Variants in DIAPH3 observed in about 807,000 individuals in gnomAD.
DIAPH3 encodes diaphanous related formin 3, also known as protein diaphanous homolog 3.
A neutral mutation model predicts 144.3 loss-of-function variants in DIAPH3; 117 were observed. That is an observed-to-expected ratio of 0.81 (90% CI 0.70 to 0.95). DIAPH3 has a LOEUF of 0.95. Ranked by LOEUF, DIAPH3 falls within the 40% of genes least tolerant of loss-of-function variation. The pLI, the probability that DIAPH3 is intolerant of heterozygous loss-of-function variation, is 0.00. For missense variants in DIAPH3, 1,421 were observed against 1,412.7 expected, an observed-to-expected ratio of 1.01 and a Z score of -0.09; for synonymous variants, 519 against 488.9, an observed-to-expected ratio of 1.06 and a Z score of -0.81.
chr13:59,988,469 C>T (rs1181400962), intron 12 of DIAPH3, among the ~76,000 whole-genome samples: 1 of 151,850 alleles, frequency 6.6e-6, no homozygotes, highest in Non-Finnish European at 1.5e-5. Flanking sequence ...AGTTTTTCCT[C>T]AACTCCACAA....
intron 4 of DIAPH3, among the ~76,000 whole-genome samples, chr13:60,078,515 C>G (rs1175257204): frequency 6.6e-6 from 1 of 151,882 alleles, no homozygotes; most frequent in Non-Finnish European, 1.5e-5. Flanking sequence ...TTCAGTTATA[C>G]AGGAAAGAAT....
chr13:60,146,941 C>T (rs997570219), intron 1 of DIAPH3, among the ~76,000 whole-genome samples: 3 of 152,160 alleles, frequency 2.0e-5, no homozygotes, highest in African/African-American at 7.2e-5. Context: ...TCTCACATGC[C>T]TGTTTCTGTC....
chr13:59,885,783 T>C (rs2045406267), intron 20 of DIAPH3, among the ~76,000 whole-genome samples: 1 of 152,106 alleles, frequency 6.6e-6, no homozygotes. Context: ...GAGTGATACA[T>C]CTACCCAGAA....
intron 25 of DIAPH3, among the ~76,000 whole-genome samples, chr13:59,779,481 G>GT (rs1593831170): frequency 6.6e-6 from 1 of 151,400 alleles, no homozygotes; most frequent in African/African-American, 2.4e-5. Context: ...TTCAAGCACT[G>GT]TTTTAGATAT....
At chr13:60,100,671 A>G (rs936700846) in intron 3 of DIAPH3, among the ~76,000 whole-genome samples, 2 of 152,164 alleles carry the variant, frequency 1.3e-5, no homozygotes, top group South Asian at 4.1e-4. Flanking sequence ...ATAAGTCTAA[A>G]ATTATTTCAA....
rs910859866 is a variant in DIAPH3 at position 59,891,080 on chromosome 13, T to C, written c.2368-11612A>G. Among the ~76,000 whole-genome samples the C allele has an allele frequency of 2.6e-5, 4 of 152,102 alleles. No individual in the cohort carries two copies. The East Asian group carries it at 5.8e-4, about 22-fold the overall frequency. On this transcript the variant is annotated intron_variant, in intron 20 of 27. Transcript: ENST00000400324. ...CCAGCCTCCTCTTTTCCATTATGTT[T>C]CCAAAATAGTCTTACAAGAGTATAG...
intron 18 of DIAPH3, among the ~76,000 whole-genome samples, chr13:59,921,253 G>T (rs1217786983): frequency 7.3e-6 from 1 of 136,230 alleles, no homozygotes; most frequent in Non-Finnish European, 1.6e-5. Flanking sequence ...AGAAATAAAT[G>T]AAATGGAGAC....
At chr13:60,111,872 G>T in intron 3 of DIAPH3, 138 bp downstream of exon 3, 1 of 802,714 alleles carries the variant, frequency 1.2e-6, no homozygotes, top group Non-Finnish European at 2.0e-6. Flanking sequence ...AAAACTCTTT[G>T]TGGCTGAAGT....
At chr13:60,040,142 G>A (rs1037682962) in intron 5 of DIAPH3, among the ~76,000 whole-genome samples, 4 of 140,458 alleles carry the variant, frequency 2.8e-5, no homozygotes, top group African/African-American at 8.0e-5. Context: ...CAGGAGAATC[G>A]CTTGAACTCG....
chr13:59,839,475 GA>G (rs1275660914), intron 22 of DIAPH3, 27 bp from the exon 23 acceptor site: 4 of 1,607,314 alleles, frequency 2.5e-6, no homozygotes, highest in Non-Finnish European at 3.4e-6. Flanking sequence ...TAAATGCCCG[GA>G]AAGGACAAAA....
Position 59,774,252 on chromosome 13 carries a change from T to C in DIAPH3, c.3260-4A>G. 1 of 1,610,112 alleles carries C rather than the reference T, an allele frequency of 6.2e-7. No individual in the cohort carries two copies. Among genetic ancestry groups the C allele is most frequent in the Non-Finnish European group, 8.5e-7 (1 of 1,177,904 alleles). ...GGACTGAGACTCTGCCGAACATCTGTTAAAAAAAAAAATAAAATAAACTTA... is the reference window on the plus strand; with the variant it reads ...GGACTGAGACTCTGCCGAACATCTGCTAAAAAAAAAAATAAAATAAACTTA... On this transcript the variant is annotated splice_polypyrimidine_tract_variant and splice_region_variant and intron_variant, in intron 26 of 27. Coordinates refer to ENST00000400324, the MANE Select transcript of DIAPH3 (RefSeq NM_001042517.2).
chr13:59,874,957 T>G (rs1323523570), intron 21 of DIAPH3, among the ~76,000 whole-genome samples: 1 of 152,180 alleles, frequency 6.6e-6, no homozygotes, highest in Non-Finnish European at 1.5e-5. Flanking sequence ...ATTAGTAACA[T>G]CTTCTTAAAT....
intron 27 of DIAPH3, among the ~76,000 whole-genome samples, chr13:59,749,209 CAAAAAAAA>C (rs71197276): frequency 8.0e-5 from 2 of 25,108 alleles, no homozygotes; most frequent in Admixed American, 1.2e-3. Flanking sequence ...GACTCTGTCT[CAAAAAAAA>C]AAAAAAAAAA....
intron 27 of DIAPH3, among the ~76,000 whole-genome samples, chr13:59,761,508 G>A (rs2037587878): frequency 6.6e-6 from 1 of 152,042 alleles, no homozygotes; most frequent in Non-Finnish European, 1.5e-5. Flanking sequence ...CATTAAGAAT[G>A]ACAAGGGAAG....
intron 2 of DIAPH3, among the ~76,000 whole-genome samples, chr13:60,128,777 C>CTT (rs57966867): frequency 2.1e-5 from 3 of 140,782 alleles, no homozygotes; most frequent in Non-Finnish European, 1.6e-5. Flanking sequence ...ATTCAATTAC[C>CTT]TTTTTTTTTT....
At chr13:59,968,503 G>A (rs998127302) in intron 17 of DIAPH3, among the ~76,000 whole-genome samples, 1 of 152,088 alleles carries the variant, frequency 6.6e-6, no homozygotes, top group Non-Finnish European at 1.5e-5. Context: ...TAATCAAAAG[G>A]TAAAATTAAA....
At chr13:59,878,597 G>C (rs922884402) in intron 21 of DIAPH3, among the ~76,000 whole-genome samples, 1 of 151,988 alleles carries the variant, frequency 6.6e-6, no homozygotes. Flanking sequence ...AAAGAGCTCT[G>C]TTTTATAAAA....
rs75148794 is a variant in DIAPH3, at chr13:59,963,874, G to T, written c.2074+6070C>A. On this transcript the variant is annotated intron_variant, in intron 17 of 27. Coordinates refer to ENST00000400324, the MANE Select transcript of DIAPH3 (RefSeq NM_001042517.2). ...TGCCCAGCCTCAAAATATTATTAAT[G>T]CCCTAAGATTACAATAGTGCATTCA... Among the ~76,000 whole-genome samples, 6 of 152,242 alleles carry T rather than the reference G, an allele frequency of 3.9e-5. No homozygotes were observed. The East Asian group carries it at 1.2e-3, about 29-fold the overall frequency.
intron 1 of DIAPH3, among the ~76,000 whole-genome samples, chr13:60,152,808 T>TTTTGAA (rs1951854690): frequency 8.4e-6 from 1 of 118,718 alleles, no homozygotes; most frequent in Admixed American, 9.7e-5. Context: ...AAACACATTG[T>TTTTGAA]ATACATCCTT....
Sources: gnomAD v4.1 joint callset for allele counts (sites outside exome capture counted in the v4.1 genomes callset) on GRCh38, gnomAD v4.1.1 for gene constraint, MANE v1.5 for transcripts, NCBI Gene and HGNC (gene_info 2026-07-23, HGNC 2026-07-21) for gene names.